Variants in PWWP2A observed in about 807,000 individuals in gnomAD.
PWWP2A encodes the protein PWWP domain-containing protein 2A.
A neutral mutation model predicts 48.5 loss-of-function variants in PWWP2A; 18 were observed. The observed-to-expected ratio is 0.37, with a 90% CI of 0.26 to 0.55. The LOEUF (loss-of-function observed/expected upper bound fraction) is 0.55. Ranked by LOEUF, PWWP2A falls within the 20% of genes least tolerant of loss-of-function variation. The pLI, the probability that PWWP2A is intolerant of heterozygous loss-of-function variation, is 0.81. For missense variants in PWWP2A, 867 were observed against 976.4 expected (o/e 0.89, Z 1.49); for synonymous variants, 396 against 387.7 (o/e 1.02, Z -0.25).
downstream of PWWP2A, among the ~76,000 whole-genome samples, chr5:160,075,088 T>C (rs893851479): frequency 1.3e-5 from 2 of 152,238 alleles, no homozygotes; most frequent in African/African-American, 4.8e-5. Context: ...TCTATAAATA[T>C]ACTGATACAT....
intron 1 of PWWP2A, among the ~76,000 whole-genome samples, chr5:160,094,914 G>A (rs1391300984): frequency 6.6e-6 from 1 of 151,476 alleles, no homozygotes; most frequent in African/African-American, 2.4e-5. Flanking sequence ...CGGGCATGGT[G>A]GCAGGCGCCA....
chr5:160,044,510 C>T, the PWWP2A span, among the ~76,000 whole-genome samples: 8 of 152,194 alleles, frequency 5.3e-5, no homozygotes, highest in African/African-American at 1.9e-4. Context: ...GGTCCCTCCC[C>T]TTTTTAGAAT....
In PWWP2A at chr5:160,118,927, C is replaced by T; in HGVS notation, c.462G>A (p.Ser154=). ...GCACCTCCGAGCCCGGGATCAGTTGCGACACCGTGGAGTCCCCGCCCGCCG... is the reference window on the plus strand; with the variant it reads ...GCACCTCCGAGCCCGGGATCAGTTGTGACACCGTGGAGTCCCCGCCCGCCG... The part of the protein sequence containing the change: ...VPPAGGDSTV[S]QLIPGSEVRV... Residue 154 remains serine (S), a synonymous_variant, in exon 1 of 2, where the codon TCG becomes TCA. Coordinates refer to ENST00000307063, the MANE Select transcript of PWWP2A (RefSeq NM_001130864.2). The T allele has an allele frequency of 6.2e-7, 1 of 1,600,580 alleles. No homozygotes were observed. Among genetic ancestry groups the T allele is most frequent in the Non-Finnish European group, 8.5e-7 (1 of 1,174,568 alleles).
Position 160,111,228 on chromosome 5 carries a change from C to T in PWWP2A, c.584+7577G>A, listed in dbSNP as rs547266910. 1.3e-3 allele frequency among the ~76,000 whole-genome samples: 191 copies of T among 152,184 alleles called. 1 individual carries two copies. Among genetic ancestry groups the T allele is most frequent in the South Asian group, 3.9e-3 (19 of 4,818 alleles). ...TGTTGCCCAGGATGGAGTGCAATAGCATGATCTCAGCTCACTGCAACCTCT... is the reference window on the plus strand; with the variant it reads ...TGTTGCCCAGGATGGAGTGCAATAGTATGATCTCAGCTCACTGCAACCTCT... On this transcript the variant is annotated intron_variant, in intron 1 of 1. Transcript: ENST00000307063.
At chr5:160,067,391 G>GTTC (rs1325017438) in intron 2 of PWWP2A, among the ~76,000 whole-genome samples, 6 of 152,088 alleles carry the variant, frequency 3.9e-5, no homozygotes, top group Non-Finnish European at 8.8e-5. Context: ...GAGAACTACT[G>GTTC]TCACATCGTG....
At chr5:160,112,148 A>AAAAAAAG (rs1382572406) in intron 1 of PWWP2A, among the ~76,000 whole-genome samples, 1 of 142,432 alleles carries the variant, frequency 7.0e-6, no homozygotes, top group Non-Finnish European at 1.5e-5. Context: ...AAAAAAAAGG[A>AAAAAAAG]AAAAAAGAAA....
At chr5:160,074,774 A>C (rs544542252), downstream of PWWP2A, among the ~76,000 whole-genome samples, 3 of 151,352 alleles carry the variant, frequency 2.0e-5, no homozygotes, top group East Asian at 2.0e-4. Flanking sequence ...AACAAAAAAA[A>C]CCTCTTTATT....
At chr5:160,047,095 AT>A in the PWWP2A span, among the ~76,000 whole-genome samples, 1 of 152,208 alleles carries the variant, frequency 6.6e-6, no homozygotes, top group African/African-American at 2.4e-5. Flanking sequence ...AAATTCATGA[AT>A]TTTAAAATAT....
chr5:160,084,105 G>C (rs1754442080), intron 2 of PWWP2A, among the ~76,000 whole-genome samples: 1 of 152,160 alleles, frequency 6.6e-6, no homozygotes, highest in African/African-American at 2.4e-5. Flanking sequence ...AATTTACCGT[G>C]CAACACAAAG....
intron 1 of PWWP2A, among the ~76,000 whole-genome samples, chr5:160,094,522 C>T (rs961860842): frequency 6.6e-6 from 1 of 152,188 alleles, no homozygotes; most frequent in Non-Finnish European, 1.5e-5. Context: ...TCCAAAACTA[C>T]TTAATGAGTA....
chr5:160,052,940 T>TA, the PWWP2A span, among the ~76,000 whole-genome samples: 1 of 152,256 alleles, frequency 6.6e-6, no homozygotes. Context: ...TATGTGTTGT[T>TA]ACACATGTGT....
intron 1 of PWWP2A, among the ~76,000 whole-genome samples, chr5:160,101,789 T>C (rs1268847961): frequency 7.1e-6 from 1 of 141,678 alleles, no homozygotes; most frequent in African/African-American, 2.6e-5. Flanking sequence ...CTGGGCAACA[T>C]AGAAAGAACC....
chr5:160,061,171 T>C (rs530799583), downstream of PWWP2A, among the ~76,000 whole-genome samples: 1 of 152,366 alleles, frequency 6.6e-6, no homozygotes, highest in South Asian at 2.1e-4. Context: ...CCTATCTCTG[T>C]GCATTGGCTC....
the PWWP2A span, among the ~76,000 whole-genome samples, chr5:160,054,697 G>A: frequency 6.6e-6 from 1 of 151,864 alleles, no homozygotes. Flanking sequence ...TCAAATGTAC[G>A]GTATAGCATT....
chr5:160,045,497 CA>C, the PWWP2A span, among the ~76,000 whole-genome samples: 4 of 114,830 alleles, frequency 3.5e-5, no homozygotes, highest in Non-Finnish European at 5.4e-5. Flanking sequence ...CACACACACA[CA>C]CACACACACA....
chr5:160,118,267 C>G (rs1758331398), intron 1 of PWWP2A, among the ~76,000 whole-genome samples: 1 of 152,210 alleles, frequency 6.6e-6, no homozygotes, highest in African/African-American at 2.4e-5. Flanking sequence ...GTAAGAATTA[C>G]AGTTAAAAGG....
At chr5:160,106,770 G>A (rs1561693141) in intron 1 of PWWP2A, among the ~76,000 whole-genome samples, 1 of 149,174 alleles carries the variant, frequency 6.7e-6, no homozygotes, top group Non-Finnish European at 1.5e-5. Context: ...ATCCCCACAT[G>A]ATACATTGCT....
downstream of PWWP2A, chr5:160,089,732 G>T: frequency 8.1e-7 from 1 of 1,229,060 alleles, no homozygotes. Context: ...CCAATCCTTT[G>T]TTTTAGCCAC....
chr5:160,046,114 TC>T, the PWWP2A span, among the ~76,000 whole-genome samples: 236 of 152,300 alleles, frequency 1.5e-3, 3 homozygotes, highest in African/African-American at 5.5e-3. Flanking sequence ...ATTTATCTGA[TC>T]CCTTTCATTG....
Sources: allele counts gnomAD v4.1 joint callset (sites outside exome capture counted in the v4.1 genomes callset), GRCh38; gene constraint gnomAD v4.1.1; transcripts MANE v1.5; gene names NCBI Gene and HGNC (gene_info 2026-07-23, HGNC 2026-07-21).